TTC27: variants seen among roughly 807,000 people sequenced by gnomAD.
TTC27 encodes the protein tetratricopeptide repeat domain 27, also known as tetratricopeptide repeat protein 27.
Under a neutral mutation model 115.9 loss-of-function variants are expected in TTC27, and 79 were observed. That is an observed-to-expected ratio of 0.68 (90% confidence interval 0.57 to 0.82). TTC27 has a LOEUF of 0.82. Ranked by LOEUF, TTC27 falls within the 40% of genes least tolerant of loss-of-function variation. TTC27 has a pLI of 0.00. For synonymous variants in TTC27, 401 were observed against 356.0 expected (o/e 1.13, Z -1.42); for missense variants, 1,054 against 993.1 (o/e 1.06, Z -0.82).
In TTC27 at chr2:32,647,721, C is replaced by T. The variant is rs904464242; in HGVS notation, c.538-2410C>T. Among the ~76,000 whole-genome samples the T allele has an allele frequency of 3.3e-5, 5 of 152,148 alleles. No individual in the cohort carries two copies. In the South Asian group the frequency reaches 8.3e-4, roughly 25 times the overall value. ...GGTGCTGTGGCATATACCTGTCGTC[C>T]CAGGTACTTAGAAATCTGAGGCAGG... On this transcript the variant is annotated intron_variant, in intron 4 of 19. Transcript: ENST00000317907.
At chr2:32,700,163 T>C (rs1667135266) in intron 9 of TTC27, among the ~76,000 whole-genome samples, 2 of 152,206 alleles carry the variant, frequency 1.3e-5, no homozygotes, top group Admixed American at 1.3e-4. Flanking sequence ...AGGGGCCAGA[T>C]GTGCTTTTCA....
chr2:32,705,526 C>T (rs1667338065), intron 10 of TTC27, among the ~76,000 whole-genome samples: 1 of 145,974 alleles, frequency 6.9e-6, no homozygotes, highest in South Asian at 2.5e-4. Context: ...GAGGTTTTAG[C>T]ATTTTAAAAA....
intron 5 of TTC27, among the ~76,000 whole-genome samples, chr2:32,651,678 C>T (rs954694768): frequency 1.3e-5 from 2 of 152,070 alleles, no homozygotes; most frequent in African/African-American, 4.8e-5. Flanking sequence ...CAAGCTAGGC[C>T]AGAATACAGT....
chr2:32,741,114 G>A (rs958990261), intron 12 of TTC27, among the ~76,000 whole-genome samples: 3 of 152,194 alleles, frequency 2.0e-5, no homozygotes, highest in African/African-American at 7.2e-5. Flanking sequence ...TTGTAGCGCC[G>A]TCTCACTTCA....
At chr2:32,730,547 T>A (rs1178137477) in intron 10 of TTC27, among the ~76,000 whole-genome samples, 7 of 148,356 alleles carry the variant, frequency 4.7e-5, no homozygotes, top group Non-Finnish European at 6.0e-5. Context: ...ATTAGCAAAT[T>A]AAAAAAAAAA....
chr2:32,635,349 G>A (rs1393685894), intron 3 of TTC27: 1 of 154,024 alleles, frequency 6.5e-6, no homozygotes, highest in African/African-American at 2.4e-5. Flanking sequence ...TCCAGAACTC[G>A]TGCAGCAAAA....
chr2:32,666,274 G>C (rs945472077), intron 6 of TTC27, among the ~76,000 whole-genome samples: 4 of 152,000 alleles, frequency 2.6e-5, no homozygotes, highest in Non-Finnish European at 5.9e-5. Flanking sequence ...ATGAACAAAT[G>C]ACTGTATTCT....
intron 5 of TTC27, among the ~76,000 whole-genome samples, chr2:32,659,400 A>G (rs1414316784): frequency 1.2e-5 from 1 of 80,430 alleles, no homozygotes; most frequent in African/African-American, 4.7e-5. Context: ...GTACAACTCT[A>G]TTTTTTCTTT....
chr2:32,734,257 G>A (rs1410063802), intron 11 of TTC27, among the ~76,000 whole-genome samples: 2 of 151,890 alleles, frequency 1.3e-5, no homozygotes, highest in Admixed American at 1.3e-4. Flanking sequence ...GTGCTGTGGC[G>A]ATTCACGGGT....
intron 16 of TTC27, among the ~76,000 whole-genome samples, chr2:32,788,088 A>C (rs1282085187): frequency 6.6e-6 from 1 of 152,194 alleles, no homozygotes; most frequent in Non-Finnish European, 1.5e-5. Context: ...TCTCTTGTTT[A>C]CTGCAATTGT....
chr2:32,786,901 T>G (rs1670366322), intron 15 of TTC27, 83 bp from the exon 16 acceptor site: 1 of 1,189,358 alleles, frequency 8.4e-7, no homozygotes, highest in Non-Finnish European at 1.2e-6. Flanking sequence ...CAGTCCACAT[T>G]AGTATTTTAT....
chr2:32,815,221 A>G (rs1395364215), intron 18 of TTC27, among the ~76,000 whole-genome samples: 15 of 81,850 alleles, frequency 1.8e-4, no homozygotes, highest in African/African-American at 6.4e-4. Context: ...CTGCTGCTTC[A>G]GATTTTTTTT....
Position 32,628,207 on chromosome 2 carries a change from T to C in TTC27, c.-86T>C. ...CTGTCGCCACTAGATTTCAGCGCCT[T>C]TGGACTCTCCTGTTTTCACTTTCTT... On this transcript the variant is annotated 5_prime_UTR_variant, in exon 1 of 20. Coordinates refer to ENST00000317907, the MANE Select transcript of TTC27 (RefSeq NM_017735.5). The C allele has an allele frequency of 7.6e-7, 1 of 1,318,292 alleles. No homozygotes were observed. The highest frequency in any genetic ancestry group is 1.1e-6 in the Non-Finnish European group (1 of 935,846). 81.7% of individuals were successfully genotyped at this position (1,318,292 alleles called of 1,614,324 possible).
chr2:32,722,557 C>T (rs181982660), intron 10 of TTC27, among the ~76,000 whole-genome samples: 1 of 152,318 alleles, frequency 6.6e-6, no homozygotes, highest in Non-Finnish European at 1.5e-5. Context: ...CCCAAGGTCT[C>T]ATAGCTGAAC....
chr2:32,795,871 T>C (rs1215177854), intron 16 of TTC27, among the ~76,000 whole-genome samples: 1 of 151,868 alleles, frequency 6.6e-6, no homozygotes, highest in African/African-American at 2.4e-5. Context: ...GAGCCACTGC[T>C]CCCAGCCTGA....
chr2:32,777,786 A>G (rs753807367), intron 13 of TTC27, 96 bp from the exon 14 acceptor site: 4 of 1,102,794 alleles, frequency 3.6e-6, no homozygotes, highest in Non-Finnish European at 4.1e-6. Context: ...CATTCTTTCT[A>G]GGAGTGTGTT....
chr2:32,684,958 A>C (rs955850513), intron 9 of TTC27, among the ~76,000 whole-genome samples: 1 of 151,040 alleles, frequency 6.6e-6, no homozygotes, highest in Non-Finnish European at 1.5e-5. Context: ...AGAGGAAACA[A>C]CAACTGCAAA....
intron 5 of TTC27, among the ~76,000 whole-genome samples, chr2:32,653,942 C>A (rs1665227631): frequency 6.6e-6 from 1 of 152,132 alleles, no homozygotes; most frequent in African/African-American, 2.4e-5. Flanking sequence ...ACTTTGCTTC[C>A]ATTGTTGACT....
At chr2:32,642,450 G>C (rs112162960) in intron 4 of TTC27, among the ~76,000 whole-genome samples, 1 of 150,846 alleles carries the variant, frequency 6.6e-6, no homozygotes, top group Non-Finnish European at 1.5e-5. Flanking sequence ...ACATGGTTTC[G>C]CCATGTTGGC....
Sources: gnomAD v4.1 joint callset for allele counts (sites outside exome capture counted in the v4.1 genomes callset) on GRCh38, gnomAD v4.1.1 for gene constraint, MANE v1.5 for transcripts, NCBI Gene and HGNC (gene_info 2026-07-23, HGNC 2026-07-21) for gene names.